Variants in PPA2 observed in about 807,000 individuals in gnomAD.
PPA2 encodes the protein inorganic pyrophosphatase 2, also known as inorganic pyrophosphatase 2, mitochondrial.
A neutral mutation model predicts 49.5 loss-of-function variants in PPA2; 48 were observed. That is an observed-to-expected ratio of 0.97 (90% CI 0.77 to 1.23). PPA2 has a LOEUF of 1.23. Ranked by LOEUF, PPA2 falls within the 50% of genes most tolerant of loss-of-function variation. The pLI, the probability that PPA2 is intolerant of heterozygous loss-of-function variation, is 0.00. For synonymous variants in PPA2, 131 were observed against 139.9 expected (o/e 0.94, Z 0.45); for missense variants, 429 against 410.1 (o/e 1.05, Z -0.40).
At chr4:105,370,765 G>GT in intron 11 of PPA2, 72 bp downstream of exon 11, 1 of 1,290,804 alleles carries the variant, frequency 7.7e-7, no homozygotes, top group Non-Finnish European at 1.0e-6. Flanking sequence ...TTTAGTTTTA[G>GT]TTTTTGGCTT....
intron 6 of PPA2, among the ~76,000 whole-genome samples, chr4:105,427,762 G>A (rs1460325896): frequency 6.6e-6 from 1 of 152,190 alleles, no homozygotes; most frequent in African/African-American, 2.4e-5. Flanking sequence ...GGAACCAAGT[G>A]AGAAATCACT....
At chr4:105,408,385 C>A (rs372782432) in intron 7 of PPA2, among the ~76,000 whole-genome samples, 2 of 152,128 alleles carry the variant, frequency 1.3e-5, no homozygotes, top group Non-Finnish European at 2.9e-5. Flanking sequence ...TCTGTAAGCT[C>A]TGAGTCAAAA....
At chr4:105,383,902 C>CAAAAAAAAAAAA (rs11406936) in intron 10 of PPA2, among the ~76,000 whole-genome samples, 1 of 147,732 alleles carries the variant, frequency 6.8e-6, no homozygotes, top group Non-Finnish European at 1.5e-5. Context: ...AATTAAAGGA[C>CAAAAAAAAAAAA]AAAAAAAAAA....
intron 8 of PPA2, among the ~76,000 whole-genome samples, chr4:105,397,021 C>T (rs1438525347): frequency 2.0e-5 from 3 of 152,134 alleles, no homozygotes; most frequent in Non-Finnish European, 4.4e-5. Flanking sequence ...AATAGATATA[C>T]CTCTTGTTGG....
chr4:105,390,288 C>A (rs1478467345), intron 9 of PPA2, among the ~76,000 whole-genome samples: 2 of 151,756 alleles, frequency 1.3e-5, no homozygotes, highest in African/African-American at 2.4e-5. Context: ...TAAACAATTA[C>A]AACAAAAGCC....
At chr4:105,395,053 A>G (rs1024473845) in intron 9 of PPA2, among the ~76,000 whole-genome samples, 3 of 152,034 alleles carry the variant, frequency 2.0e-5, no homozygotes, top group Admixed American at 6.6e-5. Flanking sequence ...TATTAGAAAC[A>G]ATTACCTGCA....
chr4:105,430,430 C>T (rs1723742394), intron 6 of PPA2, among the ~76,000 whole-genome samples: 1 of 152,194 alleles, frequency 6.6e-6, no homozygotes, highest in Non-Finnish European at 1.5e-5. Flanking sequence ...ATATTAGGCA[C>T]TGTGTATTAA....
chr4:105,439,733 C>T (rs779983641), intron 5 of PPA2, among the ~76,000 whole-genome samples: 10 of 151,840 alleles, frequency 6.6e-5, no homozygotes, highest in Non-Finnish European at 1.3e-4. Context: ...ATGTGCATAA[C>T]GTGCAGGTTT....
chr4:105,453,520 T>C, intron 3 of PPA2, 78 bp downstream of exon 3: 2 of 1,142,676 alleles, frequency 1.8e-6, no homozygotes, highest in Non-Finnish European at 2.4e-6. Context: ...AGAATCATTT[T>C]ACAAATGCAA....
chr4:105,404,276 T>C (rs1722355210), intron 7 of PPA2, among the ~76,000 whole-genome samples: 1 of 151,826 alleles, frequency 6.6e-6, no homozygotes, highest in Admixed American at 6.6e-5. Flanking sequence ...AGATCAACAA[T>C]AAACACATTT....
intron 3 of PPA2, among the ~76,000 whole-genome samples, chr4:105,453,000 T>A (rs1246225520): frequency 1.3e-5 from 2 of 152,202 alleles, no homozygotes; most frequent in African/African-American, 2.4e-5. Context: ...AGATTATTGT[T>A]CCTGGGTTCT....
intron 1 of PPA2, among the ~76,000 whole-genome samples, chr4:105,467,541 C>G (rs1723355294): frequency 1.3e-5 from 2 of 152,174 alleles, no homozygotes; most frequent in Non-Finnish European, 2.9e-5. Flanking sequence ...TTCAGCAGAG[C>G]TTGTACATTA....
intron 7 of PPA2, among the ~76,000 whole-genome samples, chr4:105,419,754 A>T (rs2110263577): frequency 6.6e-6 from 1 of 152,082 alleles, no homozygotes; most frequent in South Asian, 2.1e-4. Flanking sequence ...TTATATCAAA[A>T]AAAATAAAAG....
intron 7 of PPA2, among the ~76,000 whole-genome samples, chr4:105,407,898 T>C (rs1416129725): frequency 6.6e-6 from 1 of 152,114 alleles, no homozygotes; most frequent in Non-Finnish European, 1.5e-5. Context: ...ATGGAAATGT[T>C]TTGTATTATG....
chr4:105,386,531 TAAGATTA>T, intron 10 of PPA2, 29 bp downstream of exon 10: 1 of 1,566,560 alleles, frequency 6.4e-7, no homozygotes, highest in Non-Finnish European at 8.8e-7. Context: ...ATGACATTTA[TAAGATTA>T]AAGGATGTCT....
At chr4:105,444,235 T>A (rs1724506786) in intron 5 of PPA2, among the ~76,000 whole-genome samples, 1 of 152,098 alleles carries the variant, frequency 6.6e-6, no homozygotes, top group African/African-American at 2.4e-5. Flanking sequence ...TGAAGAAGAC[T>A]TTGTGGTGGA....
At chr4:105,372,306 T>C (rs540684166) in intron 10 of PPA2, among the ~76,000 whole-genome samples, 14 of 152,318 alleles carry the variant, frequency 9.2e-5, no homozygotes, top group Non-Finnish European at 1.6e-4. Flanking sequence ...CGGTGAGATA[T>C]GTGACTGAAT....
At chr4:105,407,895 T>C (rs1378878345) in intron 7 of PPA2, among the ~76,000 whole-genome samples, 2 of 152,158 alleles carry the variant, frequency 1.3e-5, no homozygotes, top group Non-Finnish European at 2.9e-5. Flanking sequence ...GTGATGGAAA[T>C]GTTTTGTATT....
At chr4:105,412,044 C>G (rs999469043) in intron 7 of PPA2, among the ~76,000 whole-genome samples, 5 of 152,106 alleles carry the variant, frequency 3.3e-5, no homozygotes, top group African/African-American at 1.2e-4. Context: ...CAGTGACATG[C>G]CGATCAAGCT....
Sources: gnomAD v4.1 joint callset for allele counts (sites outside exome capture counted in the v4.1 genomes callset) on GRCh38, gnomAD v4.1.1 for gene constraint, MANE v1.5 for transcripts, NCBI Gene and HGNC (gene_info 2026-07-23, HGNC 2026-07-21) for gene names.